MNAT1: variants seen among roughly 807,000 people sequenced by gnomAD.
MNAT1 encodes MNAT1 component of CDK activating kinase, also known as CDK-activating kinase assembly factor MAT1.
MNAT1 carries 43 observed loss-of-function variants against 42.0 expected under a neutral mutation model. The ratio of observed to expected loss-of-function variants is 1.02; its 90% CI spans 0.80 to 1.32. The LOEUF (loss-of-function observed/expected upper bound fraction) is 1.32. MNAT1 is among the 40% of genes most tolerant of loss of function. The pLI, the probability that MNAT1 is intolerant of heterozygous loss-of-function variation, is 0.00. For missense variants in MNAT1, 306 were observed against 350.4 expected (o/e 0.87, Z 1.01); for synonymous variants, 118 against 120.0 (o/e 0.98, Z 0.11).
chr14:60,871,056 AG>A (rs144459461), intron 6 of MNAT1, among the ~76,000 whole-genome samples: 146 of 152,308 alleles, frequency 9.6e-4, no homozygotes, highest in African/African-American at 3.3e-3. Context: ...TCCATGTTGT[AG>A]CATGTACCAA....
chr14:60,798,027 T>G, intron 2 of MNAT1, 60 bp from the exon 3 acceptor site: 1 of 798,086 alleles, frequency 1.3e-6, no homozygotes, highest in Non-Finnish European at 2.1e-6. Context: ...AGCAAACCAG[T>G]TAGATAATAT....
intron 7 of MNAT1, among the ~76,000 whole-genome samples, chr14:60,954,467 G>A (rs1040308480): frequency 3.3e-5 from 5 of 151,944 alleles, no homozygotes; most frequent in African/African-American, 1.2e-4. Flanking sequence ...TTAAATTGTT[G>A]GGGTTTTTTG....
At chr14:60,866,899 T>C (rs2034214460) in intron 6 of MNAT1, among the ~76,000 whole-genome samples, 2 of 152,114 alleles carry the variant, frequency 1.3e-5, no homozygotes, top group African/African-American at 4.8e-5. Flanking sequence ...AAAATTTATA[T>C]TGATATAATA....
intron 7 of MNAT1, among the ~76,000 whole-genome samples, chr14:60,916,871 T>C (rs898565286): frequency 6.6e-6 from 1 of 152,102 alleles, no homozygotes; most frequent in African/African-American, 2.4e-5. Context: ...GAGAATTGCT[T>C]GGACCTGGGA....
intron 7 of MNAT1, among the ~76,000 whole-genome samples, chr14:60,892,242 G>C (rs4151309): frequency 0.013 from 1,967 of 152,048 alleles, 44 homozygotes; most frequent in African/African-American, 0.045. Context: ...TTATTGAGAG[G>C]GGAGTATTGA....
At chr14:60,750,529 C>A (rs1320102220) in intron 1 of MNAT1, among the ~76,000 whole-genome samples, 2 of 90,678 alleles carry the variant, frequency 2.2e-5, no homozygotes, top group African/African-American at 8.4e-5. Flanking sequence ...TGCGCCCAGC[C>A]TTTTTTTTTT....
intron 1 of MNAT1, among the ~76,000 whole-genome samples, chr14:60,741,793 C>G (rs974448675): frequency 6.0e-5 from 9 of 150,756 alleles, no homozygotes; most frequent in African/African-American, 1.9e-4. Flanking sequence ...CAAGAGTGAG[C>G]TGCTGTACCT....
chr14:60,883,746 A>G (rs1027337177), intron 7 of MNAT1, among the ~76,000 whole-genome samples: 6 of 151,914 alleles, frequency 3.9e-5, no homozygotes, highest in Admixed American at 1.3e-4. Context: ...GTCCTCTTCA[A>G]TTTTTTGCGT....
At chr14:60,766,923 T>C (rs1594737863) in intron 1 of MNAT1, among the ~76,000 whole-genome samples, 1 of 152,300 alleles carries the variant, frequency 6.6e-6, no homozygotes, top group Middle Eastern at 3.4e-3. Flanking sequence ...CAAGAATAAA[T>C]ATTCTTTTAG....
intron 6 of MNAT1, among the ~76,000 whole-genome samples, chr14:60,843,785 G>A (rs906440506): frequency 1.3e-5 from 2 of 152,102 alleles, no homozygotes. Context: ...ATGAACTGAA[G>A]TTATAAATTT....
At chr14:60,823,455 C>G (rs562634052) in intron 6 of MNAT1, among the ~76,000 whole-genome samples, 2 of 152,304 alleles carry the variant, frequency 1.3e-5, no homozygotes, top group African/African-American at 4.8e-5. Context: ...AAATTTCTAT[C>G]TTTACATTGC....
At chr14:60,920,320 A>C (rs931984282) in intron 7 of MNAT1, among the ~76,000 whole-genome samples, 4 of 152,206 alleles carry the variant, frequency 2.6e-5, no homozygotes, top group African/African-American at 9.6e-5. Flanking sequence ...CTAGAGGGCT[A>C]CTTTCTGCAT....
intron 1 of MNAT1, among the ~76,000 whole-genome samples, chr14:60,738,806 A>G (rs1422658075): frequency 6.6e-6 from 1 of 152,190 alleles, no homozygotes; most frequent in Non-Finnish European, 1.5e-5. Flanking sequence ...AAGTGCTGAG[A>G]TTACAGGCGT....
intron 1 of MNAT1, among the ~76,000 whole-genome samples, chr14:60,758,351 G>A (rs1051166821): frequency 1.3e-5 from 2 of 151,832 alleles, no homozygotes; most frequent in Non-Finnish European, 2.9e-5. Context: ...AACTACAAGT[G>A]TGTGCCACTA....
intron 1 of MNAT1, among the ~76,000 whole-genome samples, chr14:60,766,577 T>G (rs2030832148): frequency 6.6e-6 from 1 of 150,986 alleles, no homozygotes; most frequent in Non-Finnish European, 1.5e-5. Flanking sequence ...CTGGGTGTGG[T>G]GGCGCATGCC....
intron 7 of MNAT1, among the ~76,000 whole-genome samples, chr14:60,953,323 AT>A (rs2036418790): frequency 6.6e-6 from 1 of 152,154 alleles, no homozygotes; most frequent in Admixed American, 6.5e-5. Context: ...GTGATAAAAG[AT>A]TAGCAAGCAA....
At chr14:60,877,015 T>G (rs1408701170) in intron 6 of MNAT1, among the ~76,000 whole-genome samples, 1 of 152,080 alleles carries the variant, frequency 6.6e-6, no homozygotes, top group Non-Finnish European at 1.5e-5. Context: ...TGCCATACCG[T>G]TTTCCACAGC....
intron 6 of MNAT1, among the ~76,000 whole-genome samples, chr14:60,859,934 C>T (rs1185049090): frequency 6.6e-6 from 1 of 152,044 alleles, no homozygotes; most frequent in African/African-American, 2.4e-5. Flanking sequence ...AGACAAAATG[C>T]GAAAAAGCTA....
chr14:60,822,180 A>G (rs1362388046), intron 6 of MNAT1, among the ~76,000 whole-genome samples: 1 of 151,940 alleles, frequency 6.6e-6, no homozygotes, highest in Non-Finnish European at 1.5e-5. Context: ...CAGATCTACA[A>G]CCTTTTTTCA....
Sources: gnomAD v4.1 joint callset for allele counts (sites outside exome capture counted in the v4.1 genomes callset) on GRCh38, gnomAD v4.1.1 for gene constraint, MANE v1.5 for transcripts, NCBI Gene and HGNC (gene_info 2026-07-23, HGNC 2026-07-21) for gene names.